The following SLC30A5 variants were observed in gnomAD, a reference collection of about 807,000 sequenced individuals.
SLC30A5 encodes the protein solute carrier family 30 member 5, also known as proton-coupled zinc antiporter SLC30A5.
In SLC30A5, 33 loss-of-function variants were observed where a neutral mutation model predicts 79.6. That is an observed-to-expected ratio of 0.41 (90% confidence interval 0.31 to 0.55). The LOEUF (loss-of-function observed/expected upper bound fraction) is 0.55. SLC30A5 is among the 20% of genes least tolerant of loss of function. The probability of loss-of-function intolerance (pLI) is 0.20; values close to 1 mark genes in which losing one functional copy is unlikely to be tolerated. For synonymous variants in SLC30A5, 299 were observed against 319.7 expected (o/e 0.94, Z 0.69); for missense variants, 788 against 928.1 (o/e 0.85, Z 1.96).
intron 14 of SLC30A5, among the ~76,000 whole-genome samples, chr5:69,127,015 T>C (rs374518020): frequency 6.6e-6 from 1 of 152,166 alleles, no homozygotes; most frequent in East Asian, 1.9e-4. Flanking sequence ...GGCAAAAAAC[T>C]TTCGTAATGT....
chr5:69,097,109 C>CTTT (rs1228027917), intron 1 of SLC30A5, among the ~76,000 whole-genome samples: 1,427 of 87,872 alleles, frequency 0.016, 60 homozygotes, highest in African/African-American at 0.03. Flanking sequence ...CTCTCTTTTT[C>CTTT]TTTTTTTTTT....
chr5:69,120,506 T>C (rs1428884325), intron 12 of SLC30A5, among the ~76,000 whole-genome samples: 1 of 152,212 alleles, frequency 6.6e-6, no homozygotes, highest in Non-Finnish European at 1.5e-5. Flanking sequence ...GACTAACCCT[T>C]GGTGGTAGAA....
chr5:69,096,629 C>T (rs1055519264), intron 1 of SLC30A5, among the ~76,000 whole-genome samples: 2 of 152,092 alleles, frequency 1.3e-5, no homozygotes, highest in African/African-American at 4.8e-5. Flanking sequence ...TCATTTAACT[C>T]CAATATCCCA....
intron 4 of SLC30A5, among the ~76,000 whole-genome samples, chr5:69,106,130 A>T (rs933287065): frequency 1.3e-5 from 2 of 152,158 alleles, no homozygotes; most frequent in Admixed American, 6.5e-5. Flanking sequence ...TGGCCAATAG[A>T]ATAGCTTCTG....
intron 1 of SLC30A5, among the ~76,000 whole-genome samples, chr5:69,098,152 T>G (rs928388860): frequency 4.6e-5 from 7 of 152,008 alleles, no homozygotes; most frequent in African/African-American, 1.4e-4. Flanking sequence ...CACCCCCAAT[T>G]TATAAACCAT....
Position 69,116,056 on chromosome 5 carries a change from G to T in SLC30A5, c.914G>T (p.Gly305Val), listed in dbSNP as rs370938009. Reference sequence around the variant, plus strand: ...GAAGTTTCCAAATGTGCTCGTTATGGATCCTTTCCCATTTTTATTAGTGCT... The same window carrying T: ...GAAGTTTCCAAATGTGCTCGTTATGTATCCTTTCCCATTTTTATTAGTGCT... The part of the protein sequence containing the change: ...KMEVSKCARY[G>V]SFPIFISALL... Residue 305 changes from glycine (G) to valine (V), a missense_variant, in exon 9 of 16, where the codon GGA (glycine) becomes GTA (valine). Around this residue, in one of 3 missense-constraint regions of SLC30A5, gnomAD observed 626 missense variants for 755.5 expected, o/e 0.83. Coordinates refer to ENST00000396591, the MANE Select transcript of SLC30A5 (RefSeq NM_022902.5). This position sits in a 1 kb window ranked among gnomAD's most constrained non-coding sequence, Gnocchi z 4.0. The T allele has an allele frequency of 4.3e-6, 7 of 1,613,946 alleles. No individual in the cohort carries two copies. Among genetic ancestry groups the T allele is most frequent in the Non-Finnish European group, 5.9e-6 (7 of 1,180,028 alleles).
intron 1 of SLC30A5, among the ~76,000 whole-genome samples, chr5:69,096,043 TG>T (rs1745720380): frequency 6.6e-6 from 1 of 152,166 alleles, no homozygotes; most frequent in Non-Finnish European, 1.5e-5. Context: ...CACTCCAGCC[TG>T]GGTGACAGAG....
At chr5:69,118,724 G>C (rs997825850) in intron 12 of SLC30A5, 96 bp downstream of exon 12, 2 of 1,057,966 alleles carry the variant, frequency 1.9e-6, no homozygotes, top group African/African-American at 3.3e-5. Flanking sequence ...GCTCTAAGAA[G>C]GTTTTATTTT....
chr5:69,111,291 CTTTTTTTTTCTTTTTCTTTTTT>C, intron 5 of SLC30A5, among the ~76,000 whole-genome samples: 1 of 146,476 alleles, frequency 6.8e-6, no homozygotes, highest in East Asian at 2.0e-4. Context: ...CACGCCCGGA[CTTTTTTTTTCTTTTTCTTTTTT>C]TTTTTTTTTG....
At chr5:69,126,218 T>C (rs924503017) in intron 14 of SLC30A5, among the ~76,000 whole-genome samples, 4 of 152,234 alleles carry the variant, frequency 2.6e-5, no homozygotes, top group African/African-American at 9.6e-5. Flanking sequence ...AGTTCTATCA[T>C]CTTAACCCAT....
At chr5:69,124,469 T>TG (rs1173645823) in intron 14 of SLC30A5, among the ~76,000 whole-genome samples, 1 of 152,024 alleles carries the variant, frequency 6.6e-6, no homozygotes, top group African/African-American at 2.4e-5. Context: ...CTTTACTTTG[T>TG]GGGGAAAAAA....
At chr5:69,099,466 C>G (rs574090312) in intron 1 of SLC30A5, among the ~76,000 whole-genome samples, 1 of 152,074 alleles carries the variant, frequency 6.6e-6, no homozygotes, top group Non-Finnish European at 1.5e-5. Context: ...TAAGTGACCT[C>G]GCCAGAGGCT....
Position 69,122,018 on chromosome 5 carries a change from A to G in SLC30A5, c.1771+123A>G, listed in dbSNP as rs1746549614. On this transcript the variant is annotated intron_variant, in intron 13 of 15. Transcript: ENST00000396591. Reference sequence around the variant, plus strand: ...ATTTTTAAAAAGCAATCTGTGACTAAAAGAAAGGTCTGAAGCTATCACTAT... The same window carrying G: ...ATTTTTAAAAAGCAATCTGTGACTAGAAGAAAGGTCTGAAGCTATCACTAT... The G allele has an allele frequency of 4.3e-6, 3 of 693,044 alleles. No individual in the cohort carries two copies. The South Asian group carries it at 5.8e-5, about 13-fold the overall frequency. The allele number at this position is 693,044 out of a possible 1,614,324, so 42.9% of individuals were successfully genotyped here.
At chr5:69,112,426 A>G (rs531792896) in intron 5 of SLC30A5, among the ~76,000 whole-genome samples, 1 of 152,286 alleles carries the variant, frequency 6.6e-6, no homozygotes, top group East Asian at 1.9e-4. Context: ...CTCAGCCTGA[A>G]CAACATGGCT....
Position 69,117,544 on chromosome 5 carries a change from G to C in SLC30A5, c.1439+148G>C, listed in dbSNP as rs1169443089. ...TGAAGTAAATAAGGGGATGTGAATC[G>C]GGCATTTGATAAATACTGAATGGAA... On this transcript the variant is annotated intron_variant, in intron 11 of 15. Coordinates refer to ENST00000396591, the MANE Select transcript of SLC30A5 (RefSeq NM_022902.5). The C allele has an allele frequency of 9.8e-6, 7 of 716,282 alleles. No individual in the cohort carries two copies. In the Admixed American group the frequency reaches 1.5e-4, roughly 15 times the overall value. The allele number at this position is 716,282 out of a possible 1,614,324, so 44.4% of individuals were successfully genotyped here.
chr5:69,104,654 A>T lies in SLC30A5; in HGVS notation c.297A>T (p.Ala99=), dbSNP rs1471411734. 5.2e-6 allele frequency: 8 copies of T among 1,543,582 alleles called. No homozygotes were observed. Among genetic ancestry groups the T allele is most frequent in the East Asian group, 2.4e-5 (1 of 41,354 alleles). The change falls in exon 4 of 16, where the codon GCA becomes GCT. Residue 99 remains alanine, a synonymous_variant. Coordinates refer to ENST00000396591, the MANE Select transcript of SLC30A5 (RefSeq NM_022902.5). ...AGTGGATCAAAATATTTAAACATGC[A>T]GTTGCTGGGTGTATTATTTCACTCT... The part of the protein sequence containing the change: ...KHQWIKIFKH[A]VAGCIISLLW...
In SLC30A5 at chr5:69,116,273, C is replaced by A; in HGVS notation, c.1072+59C>A. On this transcript the variant is annotated intron_variant, in intron 9 of 15. Transcript: ENST00000396591. The surrounding 1 kb of genome is among the most constrained non-coding windows in gnomAD (Gnocchi z 4.0). ...ATTTCTATTTATGGATTTTGATGGT[C>A]ACATCATTTACTTATTTTGGGAAAT... 2 of 1,504,354 alleles carry A rather than the reference C, an allele frequency of 1.3e-6. No homozygotes were observed. Among genetic ancestry groups the A allele is most frequent in the South Asian group, 1.3e-5 (1 of 75,628 alleles). 93.2% of individuals were successfully genotyped at this position (1,504,354 alleles called of 1,614,324 possible). A position where few individuals can be genotyped will look rare whatever the true frequency, so the allele number is the denominator to read the frequency against.
intron 14 of SLC30A5, among the ~76,000 whole-genome samples, chr5:69,125,006 G>A (rs1291658014): frequency 6.6e-6 from 1 of 152,212 alleles, no homozygotes; most frequent in Non-Finnish European, 1.5e-5. Flanking sequence ...TCATTAACAA[G>A]TATAAAACAT....
intron 1 of SLC30A5, among the ~76,000 whole-genome samples, chr5:69,099,683 C>T (rs567227021): frequency 6.6e-6 from 1 of 152,260 alleles, no homozygotes; most frequent in African/African-American, 2.4e-5. Flanking sequence ...TCACTGTAGT[C>T]ACTTAACAAG....
Sources: gnomAD v4.1 joint callset for allele counts (sites outside exome capture counted in the v4.1 genomes callset) on GRCh38, gnomAD v4.1.1 for gene constraint, gnomAD v4.1.1 regional missense constraint, Gnocchi (gnomAD v3.1) non-coding constraint, MANE v1.5 for transcripts, NCBI Gene and HGNC (gene_info 2026-07-23, HGNC 2026-07-21) for gene names.